WWC2: variants seen among roughly 807,000 people sequenced by gnomAD.
WWC2 encodes the protein WW and C2 domain containing 2.
WWC2 carries 101 observed loss-of-function variants against 138.5 expected under a neutral mutation model. The observed-to-expected ratio is 0.73, with a 90% CI of 0.62 to 0.86. The LOEUF is 0.86. Ranked by LOEUF, WWC2 falls within the 40% of genes least tolerant of loss-of-function variation. The pLI, the probability that WWC2 is intolerant of heterozygous loss-of-function variation, is 0.00. For missense variants in WWC2, 1,420 were observed against 1,419.4 expected (o/e 1.00, Z -0.01); for synonymous variants, 558 against 538.4 (o/e 1.04, Z -0.50).
intron 1 of WWC2, among the ~76,000 whole-genome samples, chr4:183,146,038 G>T (rs1443567361): frequency 6.6e-6 from 1 of 152,188 alleles, no homozygotes; most frequent in South Asian, 2.1e-4. Context: ...ATCTCATATC[G>T]ATGGTAGGAA....
chr4:183,109,344 T>C (rs1732153792), intron 1 of WWC2, among the ~76,000 whole-genome samples: 1 of 152,250 alleles, frequency 6.6e-6, no homozygotes, highest in Non-Finnish European at 1.5e-5. Flanking sequence ...TTTCTATAAA[T>C]ATTAACCTTT....
Position 183,253,856 on chromosome 4 carries a change from A to G in WWC2, c.1053A>G (p.Lys351=), listed in dbSNP as rs993367689. The G allele has an allele frequency of 6.2e-7, 1 of 1,613,752 alleles. No homozygotes were observed. The highest frequency in any genetic ancestry group is 8.5e-7 in the Non-Finnish European group (1 of 1,179,766). Residue 351 remains lysine, a synonymous_variant, in exon 9 of 23, where the codon AAA becomes AAG. Transcript: ENST00000403733. Reference sequence around the variant, plus strand: ...AAAAACTGATGCTGATTAATGAAAAAGAAGAACTTTTGAAAGAGCTTCAGT... The same window carrying G: ...AAAAACTGATGCTGATTAATGAAAAGGAAGAACTTTTGAAAGAGCTTCAGT... ...EKEKLMLINE[K]EELLKELQFV...
At chr4:183,233,006 T>A (rs2111292680) in intron 4 of WWC2, among the ~76,000 whole-genome samples, 1 of 152,246 alleles carries the variant, frequency 6.6e-6, no homozygotes, top group South Asian at 2.1e-4. Flanking sequence ...ACTTTTTGGC[T>A]ATTATGGATA....
intron 21 of WWC2, among the ~76,000 whole-genome samples, chr4:183,302,937 G>T (rs13145223): frequency 0.083 from 12,570 of 151,972 alleles, 744 homozygotes; most frequent in Non-Finnish European, 0.13. Context: ...GATGGCAAGC[G>T]CCTGTAATCC....
chr4:183,222,533 A>C (rs1735962488), intron 4 of WWC2, among the ~76,000 whole-genome samples: 1 of 152,156 alleles, frequency 6.6e-6, no homozygotes, highest in Non-Finnish European at 1.5e-5. Flanking sequence ...AATTTTAATA[A>C]ATGAAAGATA....
chr4:183,125,133 C>T (rs568480841), intron 1 of WWC2, among the ~76,000 whole-genome samples: 5 of 152,104 alleles, frequency 3.3e-5, no homozygotes, highest in South Asian at 2.1e-4. Flanking sequence ...TCTTCATGCC[C>T]GCAGTGCCTC....
chr4:183,139,203 A>G (rs1322103888), intron 1 of WWC2, among the ~76,000 whole-genome samples: 1 of 152,168 alleles, frequency 6.6e-6, no homozygotes, highest in Non-Finnish European at 1.5e-5. Flanking sequence ...CAGGAGCTAG[A>G]AGCTGGAAAT....
rs1206548473 is a variant in WWC2, at chr4:183,317,080, G to T, written c.*1351G>T. ...CCATACTTATTACTCAATAACCCAA[G>T]AAACAATTTTGGGTTAGCCATCTAA... On this transcript the variant is annotated 3_prime_UTR_variant, in exon 23 of 23. Coordinates refer to ENST00000403733, the MANE Select transcript of WWC2 (RefSeq NM_024949.6). 1.3e-5 allele frequency: 2 copies of T among 150,996 alleles called. No homozygotes were observed. The highest frequency in any genetic ancestry group is 2.9e-5 in the Non-Finnish European group (2 of 67,804). The allele number at this position is 150,996 out of a possible 1,614,324, so 9.4% of individuals were successfully genotyped here. A position where few individuals can be genotyped will look rare whatever the true frequency, so the allele number is the denominator to read the frequency against.
At chr4:183,245,717 T>C (rs1736756958) in intron 6 of WWC2, among the ~76,000 whole-genome samples, 172 bp downstream of exon 6, 1 of 152,146 alleles carries the variant, frequency 6.6e-6, no homozygotes, top group Non-Finnish European at 1.5e-5. Flanking sequence ...GCCTGCTGCC[T>C]TGGAGGAGAG....
chr4:183,318,425 A>G lies in WWC2; in HGVS notation c.*2696A>G, dbSNP rs1739513304. The G allele has an allele frequency of 1.3e-5, 2 of 152,646 alleles. No homozygotes were observed. Among genetic ancestry groups the G allele is most frequent in the African/African-American group, 4.8e-5 (2 of 41,466 alleles). 9.5% of individuals were successfully genotyped at this position (152,646 alleles called of 1,614,324 possible). A position where few individuals can be genotyped will look rare whatever the true frequency, so the allele number is the denominator to read the frequency against. On this transcript the variant is annotated 3_prime_UTR_variant, in exon 23 of 23. Transcript: ENST00000403733. ...CTTGTTTGTAAACGTATGCAAATAC[A>G]TCACATAGATTAACTGGTTTCTGCA... is the stretch of plus-strand genomic sequence containing the variant.
intron 1 of WWC2, among the ~76,000 whole-genome samples, chr4:183,113,640 T>TC (rs1246608672): frequency 6.6e-6 from 1 of 152,022 alleles, no homozygotes; most frequent in African/African-American, 2.4e-5. Flanking sequence ...CAAGCAGTCC[T>TC]CCCTCTGCAG....
intron 21 of WWC2, among the ~76,000 whole-genome samples, chr4:183,298,329 CAT>C (rs893757417): frequency 1.1e-3 from 162 of 152,260 alleles, no homozygotes; most frequent in African/African-American, 3.5e-3. Flanking sequence ...AGTTGAACCT[CAT>C]ATACAAAATG....
chr4:183,220,437 A>G (rs115999662), intron 4 of WWC2, among the ~76,000 whole-genome samples: 2,562 of 152,090 alleles, frequency 0.017, 80 homozygotes, highest in African/African-American at 0.059. Flanking sequence ...TTAAACATTT[A>G]CAAACCTTTA....
At chr4:183,237,862 G>A (rs1432608107) in intron 4 of WWC2, among the ~76,000 whole-genome samples, 2 of 152,032 alleles carry the variant, frequency 1.3e-5, no homozygotes, top group East Asian at 1.9e-4. Context: ...ATTCGAGGAT[G>A]CCCTTTTTTT....
At chr4:183,301,248 A>G (rs1738831661) in intron 21 of WWC2, among the ~76,000 whole-genome samples, 1 of 152,166 alleles carries the variant, frequency 6.6e-6, no homozygotes, top group South Asian at 2.1e-4. Flanking sequence ...AAAATTATCC[A>G]TTTACTAAAG....
intron 22 of WWC2, among the ~76,000 whole-genome samples, chr4:183,315,101 A>G (rs1179020445): frequency 6.6e-6 from 1 of 151,750 alleles, no homozygotes; most frequent in Admixed American, 6.6e-5. Flanking sequence ...TTTTTTAAGC[A>G]CTCTCCTCAC....
intron 4 of WWC2, among the ~76,000 whole-genome samples, chr4:183,217,203 A>G (rs1239051028): frequency 6.6e-6 from 1 of 152,194 alleles, no homozygotes; most frequent in Non-Finnish European, 1.5e-5. Context: ...TAAAATTCAC[A>G]ATGGCCAGTA....
chr4:183,162,161 G>C (rs1733979468), intron 1 of WWC2, among the ~76,000 whole-genome samples: 1 of 140,974 alleles, frequency 7.1e-6, no homozygotes, highest in African/African-American at 2.7e-5. Context: ...ATACAACAAA[G>C]AAGGCAAACC....
At chr4:183,155,529 G>C (rs1447467377) in intron 1 of WWC2, among the ~76,000 whole-genome samples, 1 of 152,102 alleles carries the variant, frequency 6.6e-6, no homozygotes, top group East Asian at 1.9e-4. Flanking sequence ...TGCTGGAGAG[G>C]TTGAAAGGTA....
Sources: gnomAD v4.1 joint callset for allele counts (sites outside exome capture counted in the v4.1 genomes callset) on GRCh38, gnomAD v4.1.1 for gene constraint, MANE v1.5 for transcripts, NCBI Gene and HGNC (gene_info 2026-07-23, HGNC 2026-07-21) for gene names.